Variants in ATXN10 observed in about 807,000 individuals in gnomAD.
The protein encoded by ATXN10 is ataxin 10.
Under a neutral mutation model 52.9 loss-of-function variants are expected in ATXN10, and 28 were observed. The ratio of observed to expected loss-of-function variants is 0.53; its 90% CI spans 0.39 to 0.73. The LOEUF is 0.73. ATXN10 is among the 30% of genes least tolerant of loss of function. ATXN10 has a pLI of 0.00. For missense variants in ATXN10, 565 were observed against 577.0 expected, an observed-to-expected ratio of 0.98 and a Z score of 0.21; for synonymous variants, 226 against 221.5, an observed-to-expected ratio of 1.02 and a Z score of -0.18.
Position 45,799,800 on chromosome 22 carries a change from A to G in ATXN10, c.1174-7159A>G, listed in dbSNP as rs558727065. Among the ~76,000 whole-genome samples, 12 of 152,352 alleles carry G rather than the reference A, an allele frequency of 7.9e-5. No individual in the cohort carries two copies. The South Asian group carries it at 2.5e-3, about 32-fold the overall frequency. ...AAAACAAAACAAAGAGGATTATATT[A>G]CTTCTTTCATGACTTACTATAAAGC... is the stretch of plus-strand genomic sequence containing the variant. On this transcript the variant is annotated intron_variant, in intron 9 of 11. Coordinates refer to ENST00000252934, the MANE Select transcript of ATXN10 (RefSeq NM_013236.4).
chr22:45,765,121 C>T (rs1926536083), intron 9 of ATXN10, among the ~76,000 whole-genome samples: 1 of 152,058 alleles, frequency 6.6e-6, no homozygotes, highest in South Asian at 2.1e-4. Flanking sequence ...GAAGTATGCC[C>T]CTGTGGAAAC....
chr22:45,798,754 G>A (rs1424861470), intron 9 of ATXN10, among the ~76,000 whole-genome samples: 1 of 152,172 alleles, frequency 6.6e-6, no homozygotes, highest in South Asian at 2.1e-4. Context: ...AGGTGATCGT[G>A]TGTGTTAAGG....
At chr22:45,680,783 A>G (rs908291659) in intron 1 of ATXN10, among the ~76,000 whole-genome samples, 40 of 152,018 alleles carry the variant, frequency 2.6e-4, no homozygotes, top group African/African-American at 8.9e-4. Flanking sequence ...GTTTTTTTAC[A>G]TGAATCCTCT....
intron 5 of ATXN10, among the ~76,000 whole-genome samples, chr22:45,711,663 C>T (rs377516923): frequency 6.6e-6 from 1 of 151,958 alleles, no homozygotes; most frequent in East Asian, 1.9e-4. Flanking sequence ...TGTAAAACTG[C>T]GTGTGCATCT....
At position 45,823,668 on chromosome 22, in the gene ATXN10, A is replaced by G. The variant is rs752829725; in HGVS notation, c.1237+16646A>G. On this transcript the variant is annotated intron_variant, in intron 10 of 11. Coordinates refer to ENST00000252934, the MANE Select transcript of ATXN10 (RefSeq NM_013236.4). This position sits in a 1 kb window ranked among gnomAD's most constrained non-coding sequence, Gnocchi z 4.9. Reference sequence around the variant, plus strand: ...TTGAATGTTAACCAACTTTTCATATATTATCCTTCTTATATGTTGCTGGAT... The same window carrying G: ...TTGAATGTTAACCAACTTTTCATATGTTATCCTTCTTATATGTTGCTGGAT... 1.3e-5 allele frequency among the ~76,000 whole-genome samples: 2 copies of G among 152,112 alleles called. No individual in the cohort carries two copies. The highest frequency in any genetic ancestry group is 4.1e-4 in the South Asian group (2 of 4,828).
chr22:45,693,750 T>C (rs542991699), intron 3 of ATXN10, among the ~76,000 whole-genome samples: 2 of 152,260 alleles, frequency 1.3e-5, no homozygotes, highest in Middle Eastern at 6.8e-3. Flanking sequence ...ATATGACTGG[T>C]ATCCTTATAG....
chr22:45,725,970 G>A (rs977710259), intron 6 of ATXN10, among the ~76,000 whole-genome samples: 1 of 152,100 alleles, frequency 6.6e-6, no homozygotes, highest in African/African-American at 2.4e-5. Flanking sequence ...ACTTGGGTAT[G>A]TTGAACCATC....
At chr22:45,702,350 A>G (rs1351375599) in intron 4 of ATXN10, among the ~76,000 whole-genome samples, 2 of 152,190 alleles carry the variant, frequency 1.3e-5, no homozygotes, top group South Asian at 2.1e-4. Flanking sequence ...TCATTGAGGT[A>G]TCATTTTGTA....
intron 9 of ATXN10, 106 bp downstream of exon 9, chr22:45,740,644 G>T: frequency 1.1e-6 from 1 of 923,634 alleles, no homozygotes. Flanking sequence ...TGCTTAGAAA[G>T]TAGCTTGGAT....
chr22:45,758,159 G>T (rs555086457), intron 9 of ATXN10, among the ~76,000 whole-genome samples: 1 of 152,310 alleles, frequency 6.6e-6, no homozygotes, highest in South Asian at 2.1e-4. Context: ...CGCAGCTCCC[G>T]CCTGACGTTT....
In ATXN10 at chr22:45,795,424, T is replaced by TATTCTATTGTTTTCTATTC. The variant is rs1555896219; in HGVS notation, c.1174-11535_1174-11534insATTCTATTGTTTTCTATTC. On this transcript the variant is annotated intron_variant, in intron 9 of 11. Coordinates refer to ENST00000252934, the MANE Select transcript of ATXN10 (RefSeq NM_013236.4). This position sits in a 1 kb window ranked among gnomAD's most constrained non-coding sequence, Gnocchi z 4.6. ...TATTCTATTCTATTCTATTCTATTC[T>TATTCTATTGTTTTCTATTC]TTTTGAGATGAAGTCTCTCTATGTT... Among the ~76,000 whole-genome samples the TATTCTATTGTTTTCTATTC allele has an allele frequency of 2.0e-5, 3 of 147,462 alleles. No individual in the cohort carries two copies. The highest frequency in any genetic ancestry group is 6.8e-5 in the Admixed American group (1 of 14,740).
chr22:45,827,568 A>G (rs190895804), intron 10 of ATXN10, among the ~76,000 whole-genome samples: 49 of 152,334 alleles, frequency 3.2e-4, no homozygotes, highest in Non-Finnish European at 8.8e-5. Context: ...AGAACATAAT[A>G]TATTAAAGTT....
In ATXN10 at chr22:45,786,370, G is replaced by A. The variant is rs1927323369; in HGVS notation, c.1174-20589G>A. Among the ~76,000 whole-genome samples the A allele has an allele frequency of 6.6e-6, 1 of 152,196 alleles. No homozygotes were observed. The highest frequency in any genetic ancestry group is 1.5e-5 in the Non-Finnish European group (1 of 68,048). On this transcript the variant is annotated intron_variant, in intron 9 of 11. Coordinates refer to ENST00000252934, the MANE Select transcript of ATXN10 (RefSeq NM_013236.4). The surrounding 1 kb of genome is among the most constrained non-coding windows in gnomAD (Gnocchi z 4.1). ...TCTGGATTCCTTTCTTTTTGGAGGT[G>A]TCATGGGGAGCAGGGTTAGTTTATG...
chr22:45,719,577 G>C (rs1924572230), intron 6 of ATXN10, among the ~76,000 whole-genome samples: 1 of 151,196 alleles, frequency 6.6e-6, no homozygotes, highest in Non-Finnish European at 1.5e-5. Context: ...TTGCAGTAAG[G>C]AACACCTGAA....
chr22:45,710,321 C>T (rs1924197620), intron 5 of ATXN10, among the ~76,000 whole-genome samples: 1 of 152,202 alleles, frequency 6.6e-6, no homozygotes, highest in Admixed American at 6.5e-5. Flanking sequence ...CGCTGTCTTT[C>T]TGCATGGAAC....
In ATXN10 at chr22:45,759,818, T is replaced by G. The variant is rs1926316305; in HGVS notation, c.1173+19280T>G. Among the ~76,000 whole-genome samples, 1 of 152,188 alleles carries G rather than the reference T, an allele frequency of 6.6e-6. No individual in the cohort carries two copies. Among genetic ancestry groups the G allele is most frequent in the African/African-American group, 2.4e-5 (1 of 41,432 alleles). ...CTGTCCATCGCTTGCTTCTCTCTCT[T>G]TCTAATTTACATACAGCTAAACACA... is the stretch of plus-strand genomic sequence containing the variant. On this transcript the variant is annotated intron_variant, in intron 9 of 11. Coordinates refer to ENST00000252934, the MANE Select transcript of ATXN10 (RefSeq NM_013236.4). This position sits in a 1 kb window ranked among gnomAD's most constrained non-coding sequence, Gnocchi z 5.4.
chr22:45,697,174 G>T (rs888063185), intron 3 of ATXN10, among the ~76,000 whole-genome samples: 1 of 151,418 alleles, frequency 6.6e-6, no homozygotes, highest in African/African-American at 2.4e-5. Context: ...TGCTCTCGTT[G>T]CCCAGGCTGG....
At chr22:45,813,691 T>A (rs1928364007) in intron 10 of ATXN10, among the ~76,000 whole-genome samples, 1 of 152,210 alleles carries the variant, frequency 6.6e-6, no homozygotes, top group South Asian at 2.1e-4. Context: ...GTTTTAGCTT[T>A]GTCTGTAGAA....
At chr22:45,709,841 A>G (rs976766506) in intron 5 of ATXN10, among the ~76,000 whole-genome samples, 1 of 152,026 alleles carries the variant, frequency 6.6e-6, no homozygotes, top group Non-Finnish European at 1.5e-5. Flanking sequence ...TACTCTACCA[A>G]TGTTTATCCT....
Sources: allele counts gnomAD v4.1 joint callset (sites outside exome capture counted in the v4.1 genomes callset), GRCh38; gene constraint gnomAD v4.1.1; non-coding constraint Gnocchi (gnomAD v3.1); transcripts MANE v1.5; gene names NCBI Gene and HGNC (gene_info 2026-07-23, HGNC 2026-07-21).